ZC3H18: variants seen among roughly 807,000 people sequenced by gnomAD.
The protein encoded by ZC3H18 is zinc finger CCCH domain-containing protein 18.
ZC3H18 carries 8 observed loss-of-function variants against 106.1 expected under a neutral mutation model. That is an observed-to-expected ratio of 0.08 (90% confidence interval 0.04 to 0.14). ZC3H18 has a LOEUF of 0.14. Among genes scored for constraint, ZC3H18 ranks in the 10% least tolerant of loss-of-function variants. ZC3H18 has a pLI of 1.00. For missense variants in ZC3H18, 1,318 were observed against 1,278.4 expected, an observed-to-expected ratio of 1.03 and a Z score of -0.47; for synonymous variants, 635 against 522.1, an observed-to-expected ratio of 1.22 and a Z score of -2.95.
intron 17 of ZC3H18, among the ~76,000 whole-genome samples, 189 bp downstream of exon 17, chr16:88,630,770 A>G (rs1203622818): frequency 4.1e-5 from 1 of 24,354 alleles, no homozygotes; most frequent in African/African-American, 1.7e-4. Flanking sequence ...CCCCCCACAC[A>G]CACACACACG....
chr16:88,607,626 G>A (rs1249100231), intron 6 of ZC3H18, among the ~76,000 whole-genome samples: 1 of 151,386 alleles, frequency 6.6e-6, no homozygotes, highest in Non-Finnish European at 1.5e-5. Flanking sequence ...TGTCTCTCAG[G>A]CGTCTCCCCA....
At chr16:88,615,210 T>G (rs59712049) in intron 8 of ZC3H18, among the ~76,000 whole-genome samples, 1 of 6,544 alleles carries the variant, frequency 1.5e-4, no homozygotes, top group Admixed American at 2.4e-3. Flanking sequence ...CCCTCTGCCT[T>G]TGACAGGCTG....
chr16:88,631,041 A>C (rs1906655339), intron 17 of ZC3H18, 60 bp from the exon 18 acceptor site: 1 of 1,601,696 alleles, frequency 6.2e-7, no homozygotes, highest in Admixed American at 1.7e-5. Context: ...CGGGGAGGTC[A>C]CCCCTTCCAC....
rs1414137845 is a variant in ZC3H18, at chr16:88,622,367, C to G, written c.1646C>G (p.Ala549Gly). 1 of 1,610,936 alleles carries G rather than the reference C, an allele frequency of 6.2e-7. No individual in the cohort carries two copies. The highest frequency in any genetic ancestry group is 8.5e-7 in the Non-Finnish European group (1 of 1,178,336). ...RRRRKTSASS[A>G]SASNSSRSSS... ...CGTCGGAAAACATCAGCCTCGTCAG[C>G]CTCTGCCTCTAATTCCTCCAGGTAA... The change falls in exon 9 of 18, where the codon GCC becomes GGC. Residue 549 changes from alanine (A) to glycine (G), a missense_variant. Ala to Gly is a moderately conservative substitution (Grantham distance 60, BLOSUM62 0). Around this residue, in one of 6 missense-constraint regions of ZC3H18, gnomAD observed 848 missense variants for 821.7 expected, o/e 1.03. Transcript: ENST00000301011.
intron 6 of ZC3H18, among the ~76,000 whole-genome samples, chr16:88,604,362 A>G (rs2142713691): frequency 6.6e-6 from 1 of 151,882 alleles, no homozygotes; most frequent in Non-Finnish European, 1.5e-5. Context: ...AAAAAAAAAA[A>G]AAAAAGTTCT....
intron 8 of ZC3H18, 141 bp downstream of exon 8, chr16:88,611,677 C>T (rs1265375775): frequency 7.6e-7 from 1 of 1,308,892 alleles, no homozygotes; most frequent in African/African-American, 1.5e-5. Context: ...CAGCCCGAGC[C>T]CATAGTTCCA....
chr16:88,591,200 G>C (rs892888248), intron 3 of ZC3H18, among the ~76,000 whole-genome samples: 5 of 151,714 alleles, frequency 3.3e-5, no homozygotes, highest in Non-Finnish European at 7.4e-5. Context: ...CCGATCTCCT[G>C]ACCTCGTGAT....
intron 10 of ZC3H18, 111 bp from the exon 11 acceptor site, chr16:88,623,847 A>T: frequency 6.8e-7 from 1 of 1,468,334 alleles, no homozygotes; most frequent in South Asian, 1.5e-5. Context: ...ACTGAGGCAC[A>T]TAAATGGAAA....
chr16:88,608,904 T>G, intron 6 of ZC3H18, 30 bp from the exon 7 acceptor site: 17 of 1,570,290 alleles, frequency 1.1e-5, no homozygotes, highest in Middle Eastern at 1.7e-4. Context: ...TCCTAAGTGA[T>G]GAGAGTTCTT....
In ZC3H18 at chr16:88,606,971, G is replaced by A. The variant is rs151323028; in HGVS notation, c.1089-1963G>A. The stretch of plus-strand genomic sequence containing the variant: ...TGGCTTGTGGCTGAGACATACCCTG[G>A]AGGGGCGTCCAGGGACCTCCTATTG... On this transcript the variant is annotated intron_variant, in intron 6 of 17. Coordinates refer to ENST00000301011, the MANE Select transcript of ZC3H18 (RefSeq NM_144604.4). Among the ~76,000 whole-genome samples the A allele has an allele frequency of 4.1e-3, 623 of 152,264 alleles. 4 individuals carry two copies. Among genetic ancestry groups the A allele is most frequent in the Admixed American group, 6.5e-3 (100 of 15,286 alleles).
chr16:88,623,559 GGGCCACA>G (rs777000869), intron 10 of ZC3H18: 2 of 648,312 alleles, frequency 3.1e-6, no homozygotes, highest in Non-Finnish European at 5.1e-6. Context: ...CTGTCACTGA[GGGCCACA>G]GCCTGAGATC....
In ZC3H18 at chr16:88,598,287, G is replaced by A. The variant is rs777483727; in HGVS notation, c.798G>A (p.Pro266=). Residue 266 remains proline (P), a synonymous_variant, in exon 4 of 18, where the codon CCG becomes CCA. Transcript: ENST00000301011. The part of the protein sequence containing the change: ...KADPFPPNGA[P]PLGPHPLMPA... ...ACCCCTTCCCGCCTAATGGTGCCCC[G>A]CCTCTCGGACCTCACCCGCTGATGC... The A allele has an allele frequency of 2.2e-5, 36 of 1,610,188 alleles. No individual in the cohort carries two copies. The highest frequency in any genetic ancestry group is 3.3e-5 in the South Asian group (3 of 90,600).
In ZC3H18 at chr16:88,580,198, GTGTGTGTGTGTATATGTA is replaced by G. The variant is rs769789610; in HGVS notation, c.603+2474_603+2491del. ...TGTGTGTGTGTGTGTGTGTGTGTGT[GTGTGTGTGTGTATATGTA>G]TATGTCTCTGCCTGCTGCTTCCCCT... On this transcript the variant is annotated intron_variant, in intron 2 of 17. Coordinates refer to ENST00000301011, the MANE Select transcript of ZC3H18 (RefSeq NM_144604.4). Among the ~76,000 whole-genome samples, 399 of 94,804 alleles carry G rather than the reference GTGTGTGTGTGTATATGTA, an allele frequency of 4.2e-3. 3 individuals are homozygous for G. Among genetic ancestry groups the G allele is most frequent in the East Asian group, 0.026 (81 of 3,058 alleles). 62.2% of individuals were successfully genotyped at this position (94,804 alleles called of 152,430 possible).
rs8055354 is a variant in ZC3H18, at chr16:88,605,252, G to A, written c.1089-3682G>A. On this transcript the variant is annotated intron_variant, in intron 6 of 17. Transcript: ENST00000301011. ...GACAGGGCCTGCTCCACATGGGTAAGCCCACAGTCCCACAGACTCAGGGCA... is the reference window on the plus strand; with the variant it reads ...GACAGGGCCTGCTCCACATGGGTAAACCCACAGTCCCACAGACTCAGGGCA... Among the ~76,000 whole-genome samples, 1,449 of 152,358 alleles carry A rather than the reference G, an allele frequency of 9.5e-3. 26 individuals are homozygous for A. Among genetic ancestry groups the A allele is most frequent in the African/African-American group, 0.033 (1,364 of 41,586 alleles).
Position 88,628,094 on chromosome 16 carries a change from A to G in ZC3H18, c.2444A>G (p.Glu815Gly). The G allele has an allele frequency of 6.2e-7, 1 of 1,613,986 alleles. No homozygotes were observed. The highest frequency in any genetic ancestry group is 8.5e-7 in the Non-Finnish European group (1 of 1,179,972). The change falls in exon 15 of 18, where the codon GAG (glutamate) becomes GGG (glycine). Residue 815 changes from glutamate (E) to glycine (G), a missense_variant. Physicochemically the swap from Glu to Gly is moderately conservative, Grantham distance 98. Transcript: ENST00000301011. ...CAGGGCACATTTGTGGCCCACAAGG[A>G]GATCAAGTTGACACTGTTGAATAAG... ...PQQGTFVAHK[E>G]IKLTLLNKAA...
chr16:88,575,891 T>A (rs1914717397), intron 1 of ZC3H18, among the ~76,000 whole-genome samples: 1 of 148,568 alleles, frequency 6.7e-6, no homozygotes, highest in African/African-American at 2.4e-5. Context: ...TTAGTTTTTG[T>A]TTGTTTGTTT....
chr16:88,593,441 G>A (rs1330964327), intron 3 of ZC3H18, among the ~76,000 whole-genome samples: 1 of 152,242 alleles, frequency 6.6e-6, no homozygotes. Context: ...ACGCTGCTCA[G>A]CACAGAACAT....
chr16:88,583,071 G>C (rs915707447), intron 2 of ZC3H18, among the ~76,000 whole-genome samples: 2 of 152,236 alleles, frequency 1.3e-5, no homozygotes, highest in Admixed American at 6.5e-5. Context: ...CTGAGTGGCC[G>C]TGCCAGGTTG....
chr16:88,601,931 T>C (rs931112671), intron 6 of ZC3H18, among the ~76,000 whole-genome samples: 4 of 151,750 alleles, frequency 2.6e-5, no homozygotes, highest in African/African-American at 9.7e-5. Flanking sequence ...GCCAGGAGGG[T>C]GGAGACCCCC....
Sources: gnomAD v4.1 joint callset for allele counts (sites outside exome capture counted in the v4.1 genomes callset) on GRCh38, gnomAD v4.1.1 for gene constraint, gnomAD v4.1.1 regional missense constraint, MANE v1.5 for transcripts, NCBI Gene and HGNC (gene_info 2026-07-23, HGNC 2026-07-21) for gene names.